Variants in IKZF2 observed in about 807,000 individuals in gnomAD.
The protein encoded by IKZF2 is IKAROS family zinc finger 2, also known as zinc finger protein Helios.
IKZF2 carries 15 observed loss-of-function variants against 49.2 expected under a neutral mutation model. The ratio of observed to expected loss-of-function variants is 0.30; its 90% CI spans 0.20 to 0.47. The LOEUF (loss-of-function observed/expected upper bound fraction) is 0.47. Among genes scored for constraint, IKZF2 ranks in the 20% least tolerant of loss-of-function variants. The probability of loss-of-function intolerance (pLI) is 1.00; values close to 1 mark genes in which losing one functional copy is unlikely to be tolerated. For synonymous variants in IKZF2, 227 were observed against 221.4 expected (o/e 1.03, Z -0.23); for missense variants, 567 against 664.6 (o/e 0.85, Z 1.61).
intron 4 of IKZF2, among the ~76,000 whole-genome samples, chr2:213,061,057 G>A (rs568426218): frequency 2.0e-4 from 31 of 151,570 alleles, no homozygotes; most frequent in Non-Finnish European, 1.5e-5. Context: ...ACACTAGAAT[G>A]TAATCTTGAT....
chr2:213,117,418 A>T (rs973270891), intron 4 of IKZF2, among the ~76,000 whole-genome samples: 2 of 152,236 alleles, frequency 1.3e-5, no homozygotes, highest in African/African-American at 4.8e-5. Context: ...AGGTTAAGTA[A>T]CATATCCAAG....
intron 6 of IKZF2, among the ~76,000 whole-genome samples, chr2:213,030,964 TACA>T (rs2125179781): frequency 6.6e-6 from 1 of 152,162 alleles, no homozygotes; most frequent in East Asian, 1.9e-4. Context: ...TAGCTGGGAC[TACA>T]GGCACGTGCC....
chr2:213,135,371 T>A (rs2060619536), intron 4 of IKZF2, among the ~76,000 whole-genome samples: 1 of 152,158 alleles, frequency 6.6e-6, no homozygotes, highest in South Asian at 2.1e-4. Flanking sequence ...TCAGAGTATA[T>A]AACATTATTT....
intron 4 of IKZF2, among the ~76,000 whole-genome samples, chr2:213,128,916 T>C (rs1236562898): frequency 2.7e-5 from 4 of 149,672 alleles, no homozygotes; most frequent in African/African-American, 4.9e-5. Flanking sequence ...CCTCCCAAAG[T>C]GCTGGGATTA....
intron 7 of IKZF2, among the ~76,000 whole-genome samples, chr2:213,018,364 CATG>C (rs1197014972): frequency 6.6e-6 from 1 of 152,054 alleles, no homozygotes; most frequent in Non-Finnish European, 1.5e-5. Flanking sequence ...AACTATGAGT[CATG>C]ATATTCCTCC....
chr2:213,019,714 T>C (rs961235777), intron 7 of IKZF2, among the ~76,000 whole-genome samples: 3 of 152,304 alleles, frequency 2.0e-5, no homozygotes, highest in Middle Eastern at 3.4e-3. Flanking sequence ...CTGCTCTACC[T>C]ACCCAGTGCC....
chr2:213,043,206 A>ACC (rs757338468), intron 6 of IKZF2, among the ~76,000 whole-genome samples: 78 of 150,844 alleles, frequency 5.2e-4, no homozygotes, highest in East Asian at 3.5e-3. Flanking sequence ...ACACACACAC[A>ACC]CCCCTAGTAT....
chr2:213,097,509 A>G (rs1706149100), intron 4 of IKZF2, among the ~76,000 whole-genome samples: 1 of 152,160 alleles, frequency 6.6e-6, no homozygotes, highest in Non-Finnish European at 1.5e-5. Context: ...TAAAGTATTC[A>G]GAAACCTTCA....
chr2:213,070,040 G>A (rs1041454156), intron 4 of IKZF2, among the ~76,000 whole-genome samples: 4 of 151,952 alleles, frequency 2.6e-5, no homozygotes, highest in Non-Finnish European at 5.9e-5. Flanking sequence ...CATGCATTTT[G>A]AGATTAAGTT....
At chr2:213,139,628 G>A (rs1262611578) in intron 4 of IKZF2, among the ~76,000 whole-genome samples, 1 of 151,914 alleles carries the variant, frequency 6.6e-6, no homozygotes, top group Non-Finnish European at 1.5e-5. Context: ...TTAAATATCA[G>A]TTTTGTAAAC....
chr2:213,079,737 T>G (rs537822718), intron 4 of IKZF2, among the ~76,000 whole-genome samples: 1 of 152,282 alleles, frequency 6.6e-6, no homozygotes, highest in East Asian at 1.9e-4. Context: ...CTCCTGATTT[T>G]TACTTTCTCT....
intron 6 of IKZF2, among the ~76,000 whole-genome samples, chr2:213,038,162 G>T (rs899269497): frequency 6.6e-6 from 1 of 151,162 alleles, no homozygotes; most frequent in South Asian, 2.1e-4. Flanking sequence ...CCAGATGCAC[G>T]CCGTTCTCCT....
At position 213,041,929 on chromosome 2, in the gene IKZF2, G is replaced by A. The variant is rs138701238; in HGVS notation, c.574+7784C>T. Among the ~76,000 whole-genome samples, 255 of 152,286 alleles carry A rather than the reference G, an allele frequency of 1.7e-3. 2 individuals carry two copies. Among genetic ancestry groups the A allele is most frequent in the Admixed American group, 3.6e-3 (55 of 15,294 alleles). On this transcript the variant is annotated intron_variant, in intron 6 of 8. Transcript: ENST00000434687. ...AACAAAAAGAAGTAATTTGGAGGGA[G>A]TGGAGACTACTCTTTAAGGTGTGGT...
intron 4 of IKZF2, among the ~76,000 whole-genome samples, chr2:213,075,821 G>A (rs750231878): frequency 1.2e-4 from 18 of 152,054 alleles, no homozygotes; most frequent in Non-Finnish European, 2.2e-4. Flanking sequence ...TACAAGCACT[G>A]ACATTCAAAC....
intron 6 of IKZF2, among the ~76,000 whole-genome samples, chr2:213,033,157 C>T (rs1698649523): frequency 6.6e-6 from 1 of 152,210 alleles, no homozygotes; most frequent in Non-Finnish European, 1.5e-5. Context: ...CATCCATTCA[C>T]ATTTTATAAC....
At chr2:213,140,753 C>G (rs1486668672) in intron 4 of IKZF2, among the ~76,000 whole-genome samples, 1 of 151,814 alleles carries the variant, frequency 6.6e-6, no homozygotes, top group East Asian at 1.9e-4. Context: ...TTTATTAAAG[C>G]CTGTGCACAT....
rs186224571 is a variant in IKZF2 at position 213,021,128 on chromosome 2, G to A, written c.712+865C>T. ...CTTGGCAGGCTGAAGCAGGAGAATC[G>A]CTTGAACCGGGGAGGCAGAGGTTGT... On this transcript the variant is annotated intron_variant, in intron 7 of 8. Coordinates refer to ENST00000434687, the MANE Select transcript of IKZF2 (RefSeq NM_001387220.1). 3.5e-3 allele frequency among the ~76,000 whole-genome samples: 537 copies of A among 152,164 alleles called. 6 individuals are homozygous for A. Among genetic ancestry groups the A allele is most frequent in the Admixed American group, 0.015 (225 of 15,276 alleles).
chr2:213,012,039 G>T (rs912716532), intron 8 of IKZF2, among the ~76,000 whole-genome samples: 11 of 151,936 alleles, frequency 7.2e-5, no homozygotes, highest in Admixed American at 3.9e-4. Context: ...TTGGTCTGGA[G>T]AATTTGATAA....
chr2:213,101,117 T>C (rs1706610591), intron 4 of IKZF2, among the ~76,000 whole-genome samples: 1 of 152,020 alleles, frequency 6.6e-6, no homozygotes, highest in South Asian at 2.1e-4. Context: ...GGAAAAATAT[T>C]ACAATGAAAC....
Sources: gnomAD v4.1 joint callset for allele counts (sites outside exome capture counted in the v4.1 genomes callset) on GRCh38, gnomAD v4.1.1 for gene constraint, MANE v1.5 for transcripts, NCBI Gene and HGNC (gene_info 2026-07-23, HGNC 2026-07-21) for gene names.